Variants in GLDN observed in about 807,000 individuals in gnomAD.
The protein encoded by GLDN is collomin.
A neutral mutation model predicts 56.5 loss-of-function variants in GLDN; 47 were observed. The observed-to-expected ratio is 0.83, with a 90% CI of 0.66 to 1.06. The LOEUF (loss-of-function observed/expected upper bound fraction) is 1.06. Among genes scored for constraint, GLDN ranks in the 50% least tolerant of loss-of-function variants. The pLI, the probability that GLDN is intolerant of heterozygous loss-of-function variation, is 0.00. For missense variants in GLDN, 782 were observed against 714.3 expected, an observed-to-expected ratio of 1.09 and a Z score of -1.08; for synonymous variants, 332 against 278.8, an observed-to-expected ratio of 1.19 and a Z score of -1.90.
intron 9 of GLDN, among the ~76,000 whole-genome samples, chr15:51,402,059 C>T (rs2038265776): frequency 6.6e-6 from 1 of 152,212 alleles, no homozygotes; most frequent in Admixed American, 6.5e-5. Flanking sequence ...AGCCCGAACT[C>T]ATAGCTCCCC....
At chr15:51,409,009 T>C (rs1453311775), downstream of GLDN, among the ~76,000 whole-genome samples, 1 of 149,736 alleles carries the variant, frequency 6.7e-6, no homozygotes, top group Non-Finnish European at 1.5e-5. Flanking sequence ...CTTATTCACA[T>C]GGTGTCCCTA....
At chr15:51,392,590 C>G (rs1377738233) in intron 4 of GLDN, among the ~76,000 whole-genome samples, 1 of 152,146 alleles carries the variant, frequency 6.6e-6, no homozygotes, top group Admixed American at 6.5e-5. Flanking sequence ...CCATCCCTCC[C>G]CACACCCCGG....
chr15:51,383,681 T>C (rs538277200), intron 3 of GLDN, 104 bp from the exon 4 acceptor site: 8 of 977,468 alleles, frequency 8.2e-6, no homozygotes, highest in Middle Eastern at 2.8e-4. Context: ...GGAAAAGGAA[T>C]TGATGCCTGC....
In GLDN at chr15:51,395,393, T is replaced by C. The variant is rs1595836329; in HGVS notation, c.688+412T>C. On this transcript the variant is annotated intron_variant, in intron 5 of 9. Coordinates refer to ENST00000335449, the MANE Select transcript of GLDN (RefSeq NM_181789.4). ...TCCTCAGACCCTGATCCTAATGGCC[T>C]TTTTTCTTAGAATTGGGGCAAAATA... Among the ~76,000 whole-genome samples the C allele has an allele frequency of 4.6e-5, 7 of 152,192 alleles. No homozygotes were observed. In the East Asian group the frequency reaches 1.3e-3, roughly 29 times the overall value.
intron 1 of GLDN, among the ~76,000 whole-genome samples, chr15:51,355,981 G>C (rs932693266): frequency 6.7e-6 from 1 of 150,084 alleles, no homozygotes; most frequent in African/African-American, 2.4e-5. Flanking sequence ...GCCAAGGCGG[G>C]CGGATCACGA....
rs570468297 is a variant in GLDN, at chr15:51,397,463, T to C, written c.689-7T>C. The C allele has an allele frequency of 2.9e-5, 42 of 1,450,866 alleles. 1 individual carries two copies. In the South Asian group the frequency reaches 6.1e-4, roughly 21 times the overall value. The allele number at this position is 1,450,866 out of a possible 1,614,324, so 89.9% of individuals were successfully genotyped here. A position where few individuals can be genotyped will look rare whatever the true frequency, so the allele number is the denominator to read the frequency against. On this transcript the variant is annotated splice_polypyrimidine_tract_variant and splice_region_variant and intron_variant, in intron 5 of 9. Transcript: ENST00000335449. ...CCTTCTCTCCCTTTCTCTCTCTCTC[T>C]CTCCAGGTGCCAAAGGTGACCAAGG... is the stretch of plus-strand genomic sequence containing the variant.
intron 4 of GLDN, among the ~76,000 whole-genome samples, chr15:51,392,783 T>C (rs8032460): frequency 0.038 from 5,724 of 152,232 alleles, 188 homozygotes; most frequent in African/African-American, 0.091. Context: ...ACTTCCCCTC[T>C]CAAGGACCCT....
rs181976000 is a variant in GLDN at position 51,400,180 on chromosome 15, T to C, written c.818-12T>C. On this transcript the variant is annotated splice_polypyrimidine_tract_variant and intron_variant, in intron 6 of 9. Coordinates refer to ENST00000335449, the MANE Select transcript of GLDN (RefSeq NM_181789.4). ...ACCGTATCGGCTCTGATGATTATTGTTGTCATTTTAGGTGAGACTTGTGCC... is the reference window on the plus strand; with the variant it reads ...ACCGTATCGGCTCTGATGATTATTGCTGTCATTTTAGGTGAGACTTGTGCC... 7.3e-5 allele frequency: 118 copies of C among 1,613,062 alleles called. 1 individual carries two copies. The Admixed American group carries it at 1.9e-3, about 26-fold the overall frequency.
intron 1 of GLDN, among the ~76,000 whole-genome samples, chr15:51,376,448 G>A (rs1301131822): frequency 6.6e-6 from 1 of 152,210 alleles, no homozygotes; most frequent in East Asian, 1.9e-4. Flanking sequence ...GTGAGTGAGT[G>A]GTGAGTGAAT....
chr15:51,355,672 C>T (rs1424427688), intron 1 of GLDN, among the ~76,000 whole-genome samples: 2 of 150,864 alleles, frequency 1.3e-5, no homozygotes, highest in South Asian at 2.1e-4. Flanking sequence ...CACAGGCACG[C>T]ACCAACACAC....
chr15:51,393,247 T>C (rs918998978), intron 4 of GLDN, among the ~76,000 whole-genome samples: 6 of 152,230 alleles, frequency 3.9e-5, no homozygotes, highest in Non-Finnish European at 7.3e-5. Context: ...TTTTGGACTC[T>C]CAGCAGGCAC....
the GLDN span, among the ~76,000 whole-genome samples, chr15:51,413,107 G>C: frequency 2.6e-5 from 4 of 151,844 alleles, no homozygotes; most frequent in Admixed American, 1.3e-4. Context: ...GCTGACTTTT[G>C]AATTGACTGT....
intron 2 of GLDN, among the ~76,000 whole-genome samples, chr15:51,382,607 T>A (rs2037788513): frequency 6.6e-6 from 1 of 150,478 alleles, no homozygotes; most frequent in African/African-American, 2.4e-5. Flanking sequence ...GTGCCTGTAG[T>A]CCCAGCTACT....
chr15:51,377,251 T>G (rs2037651948), intron 1 of GLDN, 198 bp from the exon 2 acceptor site: 1 of 567,592 alleles, frequency 1.8e-6, no homozygotes, highest in East Asian at 2.9e-5. Context: ...TGTAATCTTA[T>G]GAAATCACCA....
downstream of GLDN, among the ~76,000 whole-genome samples, chr15:51,409,328 T>C (rs2038440010): frequency 6.6e-6 from 1 of 152,138 alleles, no homozygotes; most frequent in Non-Finnish European, 1.5e-5. Context: ...ACTGGACTTT[T>C]GTAATTGAAA....
chr15:51,348,338 T>TTTTA (rs1340204254), intron 1 of GLDN, among the ~76,000 whole-genome samples: 1 of 78,106 alleles, frequency 1.3e-5, no homozygotes, highest in Non-Finnish European at 2.2e-5. Context: ...TTTTATTTTA[T>TTTTA]TTTTTTATTT....
intron 1 of GLDN, among the ~76,000 whole-genome samples, chr15:51,373,532 A>G (rs1315513829): frequency 2.0e-5 from 3 of 152,254 alleles, no homozygotes; most frequent in Non-Finnish European, 4.4e-5. Flanking sequence ...TACAAAGACA[A>G]AAGGCCAGAT....
chr15:51,354,141 G>A (rs2037130811), intron 1 of GLDN, among the ~76,000 whole-genome samples: 1 of 152,212 alleles, frequency 6.6e-6, no homozygotes, highest in African/African-American at 2.4e-5. Flanking sequence ...ATCCGATAGA[G>A]CAACCCCTTC....
intron 1 of GLDN, among the ~76,000 whole-genome samples, chr15:51,370,853 G>A (rs1403809159): frequency 3.9e-5 from 6 of 152,062 alleles, no homozygotes; most frequent in African/African-American, 1.4e-4. Flanking sequence ...TTAGCTGGGT[G>A]TGGTGGTGTG....
Sources: allele counts gnomAD v4.1 joint callset (sites outside exome capture counted in the v4.1 genomes callset), GRCh38; gene constraint gnomAD v4.1.1; transcripts MANE v1.5; gene names NCBI Gene and HGNC (gene_info 2026-07-23, HGNC 2026-07-21).